VPS26A: variants seen among roughly 807,000 people sequenced by gnomAD.
VPS26A encodes the protein vacuolar protein sorting-associated protein 26A.
In VPS26A, 22 loss-of-function variants were observed where a neutral mutation model predicts 42.4. The observed-to-expected ratio is 0.52, with a 90% CI of 0.37 to 0.74. The LOEUF (loss-of-function observed/expected upper bound fraction) is 0.74, where lower values mean the gene tolerates loss of function less well. Ranked by LOEUF, VPS26A falls within the 30% of genes least tolerant of loss-of-function variation. VPS26A has a pLI of 0.00. For missense variants in VPS26A, 276 were observed against 379.2 expected (o/e 0.73, Z 2.26); for synonymous variants, 110 against 123.5 (o/e 0.89, Z 0.73).
chr10:69,126,989 C>T (rs1216740105), intron 1 of VPS26A, among the ~76,000 whole-genome samples: 2 of 150,970 alleles, frequency 1.3e-5, no homozygotes, highest in Admixed American at 1.3e-4. Context: ...GACGGAGTCT[C>T]GCTCTGTCGC....
chr10:69,156,966 C>G, intron 3 of VPS26A, 41 bp from the exon 4 acceptor site: 1 of 1,526,736 alleles, frequency 6.5e-7, no homozygotes, highest in South Asian at 1.2e-5. Context: ...ATTGAAATGG[C>G]TATTAAATAA....
intron 1 of VPS26A, among the ~76,000 whole-genome samples, chr10:69,126,740 AAG>A (rs941846925): frequency 2.8e-4 from 42 of 152,334 alleles, no homozygotes; most frequent in African/African-American, 9.1e-4. Flanking sequence ...TAATTAGAAA[AAG>A]AATTTAATTT....
chr10:69,124,653 T>A lies in VPS26A; in HGVS notation c.3+373T>A, dbSNP rs537928310. The stretch of plus-strand genomic sequence containing the variant: ...CTCCTCCCGGGCAGCCTCTCTTCCA[T>A]CCAGGTGGGGCGACCCGGGAGCCCC... On this transcript the variant is annotated intron_variant, in intron 1 of 8. Transcript: ENST00000263559. Among the ~76,000 whole-genome samples, 3 of 152,224 alleles carry A rather than the reference T, an allele frequency of 2.0e-5. No homozygotes were observed. In the South Asian group the frequency reaches 6.2e-4, roughly 32 times the overall value.
chr10:69,126,672 C>T (rs1330228758), intron 1 of VPS26A, among the ~76,000 whole-genome samples: 1 of 152,042 alleles, frequency 6.6e-6, no homozygotes, highest in Non-Finnish European at 1.5e-5. Flanking sequence ...ACCAGCTTGA[C>T]AGTTGTGTAT....
intron 2 of VPS26A, among the ~76,000 whole-genome samples, chr10:69,137,463 C>G (rs888286137): frequency 2.0e-5 from 3 of 152,256 alleles, no homozygotes; most frequent in Admixed American, 6.5e-5. Flanking sequence ...GACTGATACC[C>G]TTGTTTCTTG....
At chr10:69,127,702 G>A (rs1840691915) in intron 1 of VPS26A, among the ~76,000 whole-genome samples, 1 of 143,096 alleles carries the variant, frequency 7.0e-6, no homozygotes, top group Admixed American at 6.9e-5. Flanking sequence ...TCCAATTTTA[G>A]TGTTTTGATT....
At chr10:69,163,989 G>A (rs1271164801) in intron 6 of VPS26A, among the ~76,000 whole-genome samples, 6 of 151,280 alleles carry the variant, frequency 4.0e-5, no homozygotes, top group African/African-American at 1.5e-4. Context: ...GGATGGTCTC[G>A]ATCTCCTGAC....
chr10:69,124,302 C>T, intron 1 of VPS26A, 22 bp downstream of exon 1: 1 of 1,248,650 alleles, frequency 8.0e-7, no homozygotes, highest in Non-Finnish European at 1.0e-6. Context: ...GCGGCCAGCG[C>T]GCTCGCCTCC....
intron 1 of VPS26A, among the ~76,000 whole-genome samples, chr10:69,125,275 T>TCAAAA (rs151048420): frequency 5.9e-5 from 9 of 152,292 alleles, no homozygotes; most frequent in East Asian, 1.9e-4. Flanking sequence ...GATGTTGCTT[T>TCAAAA]CAAAACAAAA....
chr10:69,163,390 G>C (rs1841606665), intron 6 of VPS26A, among the ~76,000 whole-genome samples: 1 of 152,150 alleles, frequency 6.6e-6, no homozygotes, highest in African/African-American at 2.4e-5. Flanking sequence ...AAAGTGTTAT[G>C]ATTACAGGCA....
intron 2 of VPS26A, among the ~76,000 whole-genome samples, chr10:69,151,425 C>T (rs1488831100): frequency 7.1e-6 from 1 of 140,072 alleles, no homozygotes; most frequent in African/African-American, 2.9e-5. Flanking sequence ...GCATTCCAGC[C>T]TGGGCTACAG....
chr10:69,144,361 A>G (rs1841109096), intron 2 of VPS26A, among the ~76,000 whole-genome samples: 1 of 152,186 alleles, frequency 6.6e-6, no homozygotes, highest in Admixed American at 6.5e-5. Context: ...TTGTGATATC[A>G]TATAGAATAG....
At chr10:69,154,871 A>ATG (rs375654275) in intron 2 of VPS26A, among the ~76,000 whole-genome samples, 6 of 152,112 alleles carry the variant, frequency 3.9e-5, no homozygotes, top group Non-Finnish European at 7.4e-5. Flanking sequence ...CTCTTAAAAT[A>ATG]TGTGTGTGTG....
intron 2 of VPS26A, among the ~76,000 whole-genome samples, chr10:69,145,609 C>T (rs1306839109): frequency 6.6e-6 from 1 of 152,170 alleles, no homozygotes; most frequent in African/African-American, 2.4e-5. Flanking sequence ...AAGAAGCCAT[C>T]CTTTCTCCTG....
intron 1 of VPS26A, 38 bp downstream of exon 1, chr10:69,124,318 T>A: frequency 8.1e-7 from 1 of 1,241,740 alleles, no homozygotes; most frequent in Non-Finnish European, 1.0e-6. Flanking sequence ...CCTCCCGCCC[T>A]CGTCCCGGAG....
At chr10:69,160,614 G>A (rs1378802045) in intron 5 of VPS26A, among the ~76,000 whole-genome samples, 2 of 151,852 alleles carry the variant, frequency 1.3e-5, no homozygotes, top group East Asian at 1.9e-4. Context: ...ACCACGCCCG[G>A]CTAATTTTTG....
intron 2 of VPS26A, among the ~76,000 whole-genome samples, chr10:69,144,212 A>G (rs1463791066): frequency 3.9e-5 from 6 of 152,184 alleles, no homozygotes; most frequent in Non-Finnish European, 8.8e-5. Flanking sequence ...CTAATCTTGC[A>G]TTAGAGTGAT....
In VPS26A at chr10:69,173,654, G is replaced by A. The variant is rs1030068677; in HGVS notation, c.*2385G>A. Among the ~76,000 whole-genome samples the A allele has an allele frequency of 6.6e-6, 1 of 152,216 alleles. No individual in the cohort carries two copies. Among genetic ancestry groups the A allele is most frequent in the Non-Finnish European group, 1.5e-5 (1 of 68,034 alleles). ...AACACTCTAGCTAGGATTGTAAAAC[G>A]CACTCTGGCTAGCTGGAGGTTTGTA... On this transcript the variant is annotated 3_prime_UTR_variant, in exon 9 of 9. Coordinates refer to ENST00000263559, the MANE Select transcript of VPS26A (RefSeq NM_004896.5).
intron 2 of VPS26A, among the ~76,000 whole-genome samples, chr10:69,136,264 CTTTTCTTTTT>C (rs1392914647): frequency 6.9e-6 from 1 of 144,938 alleles, no homozygotes; most frequent in East Asian, 2.0e-4. Flanking sequence ...TTTTTCTTTT[CTTTTCTTTTT>C]TTTTTTTTGA....
Sources: gnomAD v4.1 joint callset for allele counts (sites outside exome capture counted in the v4.1 genomes callset) on GRCh38, gnomAD v4.1.1 for gene constraint, MANE v1.5 for transcripts, NCBI Gene and HGNC (gene_info 2026-07-23, HGNC 2026-07-21) for gene names.